RBFOX1: variants seen among roughly 807,000 people sequenced by gnomAD.
RBFOX1 encodes the protein RNA binding fox-1 homolog 1, also known as RNA binding protein fox-1 homolog 1.
RBFOX1 carries 8 observed loss-of-function variants against 57.7 expected under a neutral mutation model. That is an observed-to-expected ratio of 0.14 (90% CI 0.08 to 0.25). RBFOX1 has a LOEUF of 0.25. RBFOX1 is among the 10% of genes least tolerant of loss of function. The probability of loss-of-function intolerance (pLI) is 1.00; values close to 1 mark genes in which losing one functional copy is unlikely to be tolerated. For missense variants in RBFOX1, 611 were observed against 548.5 expected (o/e 1.11, Z -1.14); for synonymous variants, 326 against 222.4 (o/e 1.47, Z -4.15).
intron 3 of RBFOX1, among the ~76,000 whole-genome samples, chr16:6,656,457 G>A (rs186714701): frequency 4.9e-4 from 75 of 152,174 alleles, no homozygotes; most frequent in Non-Finnish European, 9.0e-4. Flanking sequence ...CCACCTATGT[G>A]AACTGCCTTT....
chr16:5,413,658 A>G (rs1321841112), intron 1 of RBFOX1, among the ~76,000 whole-genome samples: 2 of 152,168 alleles, frequency 1.3e-5, no homozygotes, highest in Non-Finnish European at 2.9e-5. Context: ...AGGACTTGCT[A>G]TGTGTCAGGC....
intron 2 of RBFOX1, among the ~76,000 whole-genome samples, chr16:6,441,686 CG>C (rs1467762296): frequency 6.6e-6 from 1 of 152,084 alleles, no homozygotes; most frequent in East Asian, 1.9e-4. Flanking sequence ...TCAAAGTGCT[CG>C]GATTACAGGT....
chr16:6,896,735 C>T (rs899754686), intron 3 of RBFOX1, among the ~76,000 whole-genome samples: 3 of 152,054 alleles, frequency 2.0e-5, no homozygotes, highest in African/African-American at 7.2e-5. Flanking sequence ...TCTATGAATG[C>T]GAGGTCTGTG....
intron 4 of RBFOX1, among the ~76,000 whole-genome samples, chr16:7,461,760 G>A (rs2059624164): frequency 6.6e-6 from 1 of 152,124 alleles, no homozygotes; most frequent in African/African-American, 2.4e-5. Flanking sequence ...GAGTTTCCCA[G>A]CCCTCGGAGG....
At chr16:6,487,686 AAAAAAAAAAAAAAAAT>A (rs2095521231) in intron 2 of RBFOX1, among the ~76,000 whole-genome samples, 1 of 21,824 alleles carries the variant, frequency 4.6e-5, no homozygotes, top group African/African-American at 1.2e-4. Flanking sequence ...AAAAAAAAAA[AAAAAAAAAAAAAAAAT>A]ATATATATAT....
At chr16:6,953,144 C>T (rs778836704) in intron 3 of RBFOX1, among the ~76,000 whole-genome samples, 1 of 152,094 alleles carries the variant, frequency 6.6e-6, no homozygotes, top group Non-Finnish European at 1.5e-5. Context: ...ATGTATGCCT[C>T]TTTCCACTGA....
At chr16:5,512,946 C>T (rs1484371373) in intron 2 of RBFOX1, among the ~76,000 whole-genome samples, 1 of 152,156 alleles carries the variant, frequency 6.6e-6, no homozygotes, top group Non-Finnish European at 1.5e-5. Flanking sequence ...GACAGGGTCT[C>T]AGTTTGTCAA....
chr16:6,863,397 G>C (rs773829775), intron 3 of RBFOX1, among the ~76,000 whole-genome samples: 3 of 152,116 alleles, frequency 2.0e-5, no homozygotes, highest in Non-Finnish European at 4.4e-5. Flanking sequence ...AAGATTCAAA[G>C]CTCCTTACTA....
At chr16:5,434,744 A>G (rs947850293) in intron 1 of RBFOX1, among the ~76,000 whole-genome samples, 5 of 152,150 alleles carry the variant, frequency 3.3e-5, no homozygotes, top group African/African-American at 1.2e-4. Flanking sequence ...TATTTGCAAT[A>G]CCTTGTCCTT....
At chr16:7,632,699 C>G (rs1182013402) in intron 11 of RBFOX1, among the ~76,000 whole-genome samples, 1 of 152,140 alleles carries the variant, frequency 6.6e-6, no homozygotes, top group Non-Finnish European at 1.5e-5. Context: ...ATTTTTTTCT[C>G]TAACATTGCG....
At chr16:6,527,495 T>C (rs1222069682) in intron 2 of RBFOX1, among the ~76,000 whole-genome samples, 1 of 152,160 alleles carries the variant, frequency 6.6e-6, no homozygotes, top group Non-Finnish European at 1.5e-5. Flanking sequence ...GTTGAATGTA[T>C]AATTTTTATG....
At chr16:6,158,987 C>A (rs541435736) in intron 1 of RBFOX1, among the ~76,000 whole-genome samples, 1 of 151,966 alleles carries the variant, frequency 6.6e-6, no homozygotes, top group East Asian at 1.9e-4. Flanking sequence ...ACTGCAACCT[C>A]CACCTCCTGG....
In RBFOX1 at chr16:7,266,014, G is replaced by A. The variant is rs749384333; in HGVS notation, c.27+213916G>A. Among the ~76,000 whole-genome samples the A allele has an allele frequency of 1.5e-3, 172 of 116,118 alleles. 1 individual carries two copies. Among genetic ancestry groups the A allele is most frequent in the Non-Finnish European group, 2.3e-3 (136 of 59,704 alleles). The allele number at this position is 116,118 out of a possible 152,430, so 76.2% of individuals were successfully genotyped here. The stretch of plus-strand genomic sequence containing the variant: ...TTCTGAGAGGGAGTCTTGCTGTGTT[G>A]CCCAGGCTGGAGTGCAGTGGCGCTA... On this transcript the variant is annotated intron_variant, in intron 4 of 15. Transcript: ENST00000550418.
At chr16:5,937,463 G>C (rs917448263) in intron 4 of RBFOX1, among the ~76,000 whole-genome samples, 1 of 151,978 alleles carries the variant, frequency 6.6e-6, no homozygotes, top group East Asian at 1.9e-4. Context: ...TTAAAGAAAA[G>C]CCCCTGGAAT....
intron 4 of RBFOX1, among the ~76,000 whole-genome samples, chr16:5,910,254 C>A (rs985712900): frequency 3.9e-5 from 6 of 151,996 alleles, no homozygotes; most frequent in Admixed American, 3.9e-4. Flanking sequence ...TAGCCTGGTC[C>A]TCAGGCCAGT....
chr16:6,563,162 C>G (rs776943405), intron 2 of RBFOX1, among the ~76,000 whole-genome samples: 1 of 152,166 alleles, frequency 6.6e-6, no homozygotes, highest in Non-Finnish European at 1.5e-5. Context: ...CCTGTGTTGT[C>G]GTCCTTTGTG....
At chr16:7,167,105 C>T (rs754214976) in intron 4 of RBFOX1, among the ~76,000 whole-genome samples, 1 of 149,650 alleles carries the variant, frequency 6.7e-6, no homozygotes, top group East Asian at 2.0e-4. Flanking sequence ...CCTGCCTCAG[C>T]CTCCTGAGTA....
intron 1 of RBFOX1, among the ~76,000 whole-genome samples, chr16:6,313,699 A>T (rs2080686845): frequency 1.3e-5 from 2 of 152,042 alleles, no homozygotes; most frequent in Admixed American, 6.6e-5. Flanking sequence ...GCAGCTCTTT[A>T]GCTTCTGTGT....
chr16:7,036,981 C>T (rs146404467), intron 3 of RBFOX1, among the ~76,000 whole-genome samples: 1 of 152,236 alleles, frequency 6.6e-6, no homozygotes, highest in Non-Finnish European at 1.5e-5. Context: ...TACAGGGTAA[C>T]TTCCTGACGT....
Sources: allele counts gnomAD v4.1 joint callset (sites outside exome capture counted in the v4.1 genomes callset), GRCh38; gene constraint gnomAD v4.1.1; transcripts MANE v1.5; gene names NCBI Gene and HGNC (gene_info 2026-07-23, HGNC 2026-07-21).